MALRD1: variants seen among roughly 807,000 people sequenced by gnomAD.
MALRD1 encodes MAM and LDL receptor class A domain containing 1, also known as MAM and LDL-receptor class A domain-containing protein 1.
Under a neutral mutation model 242.1 loss-of-function variants are expected in MALRD1, and 247 were observed. The observed-to-expected ratio is 1.02, with a 90% CI of 0.92 to 1.13. The LOEUF is 1.13. Among genes scored for constraint, MALRD1 ranks in the 50% most tolerant of loss-of-function variants. The pLI, the probability that MALRD1 is intolerant of heterozygous loss-of-function variation, is 0.00. For synonymous variants in MALRD1, 995 were observed against 866.6 expected, an observed-to-expected ratio of 1.15 and a Z score of -2.60; for missense variants, 2,989 against 2,533.1, an observed-to-expected ratio of 1.18 and a Z score of -3.86.
At chr10:19,115,704 T>C (rs1343807924) in intron 5 of MALRD1, among the ~76,000 whole-genome samples, 3 of 151,988 alleles carry the variant, frequency 2.0e-5, no homozygotes, top group Non-Finnish European at 4.4e-5. Flanking sequence ...GGTGAAACCC[T>C]GTATCTACTA....
At chr10:19,421,647 G>A (rs1453008583) in intron 28 of MALRD1, among the ~76,000 whole-genome samples, 3 of 152,136 alleles carry the variant, frequency 2.0e-5, no homozygotes, top group African/African-American at 7.2e-5. Context: ...ACTAGTCAAC[G>A]TATCCCATAT....
chr10:19,130,497 ATAAT>A (rs573474517), intron 8 of MALRD1, among the ~76,000 whole-genome samples: 91 of 152,282 alleles, frequency 6.0e-4, no homozygotes, highest in African/African-American at 2.0e-3. Flanking sequence ...CAGATGACAG[ATAAT>A]TAATTATTTC....
Position 19,136,620 on chromosome 10 carries a change from TTG to T in MALRD1, c.1251_1252del (p.Asp418SerfsTer25). On this transcript the variant is annotated frameshift_variant, in exon 10 of 40. Coordinates refer to ENST00000454679, the MANE Select transcript of MALRD1 (RefSeq NM_001142308.3). LOFTEE classifies it high-confidence loss of function. ...TTGAGCCAGAGAAGTTTTATTGCCC[TTG>T]ATCACCTCTGGGTCTATGCCTGTGG... 2 of 1,231,724 alleles carry T rather than the reference TTG, an allele frequency of 1.6e-6. No homozygotes were observed. Among genetic ancestry groups the T allele is most frequent in the Admixed American group, 8.4e-5 (2 of 23,722 alleles). The allele number at this position is 1,231,724 out of a possible 1,614,324, so 76.3% of individuals were successfully genotyped here.
chr10:19,341,414 A>C (rs911247786), intron 24 of MALRD1, among the ~76,000 whole-genome samples: 16 of 149,586 alleles, frequency 1.1e-4, no homozygotes, highest in African/African-American at 3.9e-4. Flanking sequence ...AATATCAAAC[A>C]AAATAAGTAA....
chr10:19,381,382 G>T (rs1845832373), intron 26 of MALRD1, among the ~76,000 whole-genome samples: 1 of 151,926 alleles, frequency 6.6e-6, no homozygotes, highest in Admixed American at 6.6e-5. Flanking sequence ...GTGTGCATGT[G>T]TCTTTATAGT....
chr10:19,487,619 G>A (rs556888854), intron 29 of MALRD1, among the ~76,000 whole-genome samples: 1 of 151,350 alleles, frequency 6.6e-6, no homozygotes, highest in Non-Finnish European at 1.5e-5. Flanking sequence ...ACATCCTATG[G>A]CATGGAAAAA....
intron 4 of MALRD1, among the ~76,000 whole-genome samples, chr10:19,098,674 C>A (rs1172511288): frequency 6.6e-6 from 1 of 152,096 alleles, no homozygotes; most frequent in Non-Finnish European, 1.5e-5. Context: ...TTTATACTCA[C>A]TCTGAAGCAG....
chr10:19,612,923 T>G (rs1249433418), intron 35 of MALRD1, among the ~76,000 whole-genome samples: 1 of 151,994 alleles, frequency 6.6e-6, no homozygotes, highest in African/African-American at 2.4e-5. Context: ...TGACATAAGA[T>G]TTGGATAGGG....
At chr10:19,530,432 A>ATTTATATCAATAT (rs1554793511) in intron 31 of MALRD1, among the ~76,000 whole-genome samples, 1 of 40,928 alleles carries the variant, frequency 2.4e-5, no homozygotes, top group South Asian at 4.9e-4. Flanking sequence ...AATATATAAT[A>ATTTATATCAATAT]TATATAATAT....
At chr10:19,257,629 T>C in intron 18 of MALRD1, 55 bp from the exon 19 acceptor site, 1 of 1,284,112 alleles carries the variant, frequency 7.8e-7, no homozygotes, top group African/African-American at 1.5e-5. Flanking sequence ...ATAACTTAAT[T>C]TCCTTTACCA....
chr10:19,097,700 A>G lies in MALRD1; in HGVS notation c.598-6279A>G, dbSNP rs569114874. The stretch of plus-strand genomic sequence containing the variant: ...AAAGCTAGGTATTCCTAGCCTCTAG[A>G]TGTTTACTGTTAAGGGACCAGATTG... On this transcript the variant is annotated intron_variant, in intron 4 of 39. Coordinates refer to ENST00000454679, the MANE Select transcript of MALRD1 (RefSeq NM_001142308.3). Among the ~76,000 whole-genome samples, 8 of 152,274 alleles carry G rather than the reference A, an allele frequency of 5.3e-5. No homozygotes were observed. In the South Asian group the frequency reaches 1.0e-3, roughly 20 times the overall value.
At chr10:19,638,994 G>A (rs1840268938) in intron 36 of MALRD1, among the ~76,000 whole-genome samples, 1 of 151,928 alleles carries the variant, frequency 6.6e-6, no homozygotes, top group Non-Finnish European at 1.5e-5. Flanking sequence ...GGGGGTGGGA[G>A]CGGGGTGAAG....
At chr10:19,393,358 T>TCACAACA in intron 28 of MALRD1, among the ~76,000 whole-genome samples, 1 of 151,960 alleles carries the variant, frequency 6.6e-6, no homozygotes, top group Non-Finnish European at 1.5e-5. Context: ...AAAATGGGTT[T>TCACAACA]TACAACATGA....
intron 21 of MALRD1, chr10:19,291,618 A>C (rs932957003): frequency 6.6e-6 from 1 of 152,094 alleles, no homozygotes. Flanking sequence ...CTAGAATCTC[A>C]CTGTTAGGGG....
At chr10:19,050,389 C>CTT (rs71387039) in intron 1 of MALRD1, among the ~76,000 whole-genome samples, 106 of 149,048 alleles carry the variant, frequency 7.1e-4, no homozygotes, top group African/African-American at 2.4e-3. Context: ...GCCCGGCCTT[C>CTT]TTTTTTTTTT....
chr10:19,206,973 C>G (rs1836814459), intron 17 of MALRD1, among the ~76,000 whole-genome samples: 1 of 152,148 alleles, frequency 6.6e-6, no homozygotes, highest in Non-Finnish European at 1.5e-5. Flanking sequence ...GAGGAAATAT[C>G]AAAAGAAAGC....
intron 28 of MALRD1, among the ~76,000 whole-genome samples, chr10:19,420,193 T>C (rs1833667918): frequency 6.6e-6 from 1 of 152,060 alleles, no homozygotes; most frequent in South Asian, 2.1e-4. Flanking sequence ...CAGGCTAAAC[T>C]AATTATGATT....
intron 35 of MALRD1, among the ~76,000 whole-genome samples, chr10:19,612,714 G>T (rs186665061): frequency 6.6e-6 from 1 of 152,124 alleles, no homozygotes; most frequent in East Asian, 1.9e-4. Context: ...CATGATGGAA[G>T]ACCAAGCAAG....
At chr10:19,088,827 A>C (rs2131300385) in intron 4 of MALRD1, among the ~76,000 whole-genome samples, 2 of 52,746 alleles carry the variant, frequency 3.8e-5, no homozygotes, top group African/African-American at 8.1e-5. Context: ...ATGAGTGAGA[A>C]TATGCGGTGT....
Sources: allele counts gnomAD v4.1 joint callset (sites outside exome capture counted in the v4.1 genomes callset), GRCh38; gene constraint gnomAD v4.1.1; transcripts MANE v1.5; gene names NCBI Gene and HGNC (gene_info 2026-07-23, HGNC 2026-07-21).